Variants in TLN2 observed in about 807,000 individuals in gnomAD.
TLN2 encodes the protein talin 2.
Under a neutral mutation model 294.7 loss-of-function variants are expected in TLN2, and 118 were observed. That is an observed-to-expected ratio of 0.40 (90% confidence interval 0.34 to 0.47). The LOEUF is 0.47. Ranked by LOEUF, TLN2 falls within the 20% of genes least tolerant of loss-of-function variation. The pLI is 0.84. For missense variants in TLN2, 3,083 were observed against 3,282.2 expected, an observed-to-expected ratio of 0.94 and a Z score of 1.48; for synonymous variants, 1,431 against 1,304.5, an observed-to-expected ratio of 1.10 and a Z score of -2.09.
rs1449616117 is a variant in TLN2 at position 62,468,711 on chromosome 15, C to G, written c.-238+78026C>G. Among the ~76,000 whole-genome samples the G allele has an allele frequency of 2.0e-5, 3 of 149,734 alleles. No individual in the cohort carries two copies. In the East Asian group the frequency reaches 5.9e-4, roughly 30 times the overall value. On this transcript the variant is annotated intron_variant, in intron 1 of 58. Transcript: ENST00000636159. ...AGTGAGCTGAGATTGCACCACTGCA[C>G]TCCAGCCTGGGCGACAGAGCTAGAC...
chr15:62,844,475 G>A lies in TLN2; in HGVS notation c.*3865G>A, dbSNP rs973690325. The A allele has an allele frequency of 6.6e-6, 1 of 152,100 alleles. No individual in the cohort carries two copies. The highest frequency in any genetic ancestry group is 6.5e-5 in the Admixed American group (1 of 15,272). The allele number at this position is 152,100 out of a possible 1,614,324, so 9.4% of individuals were successfully genotyped here. ...CTTCATCCCACAAAACACGAGGCTG[G>A]GTCTCATTCAGCGGCCTCTCACCAA... On this transcript the variant is annotated 3_prime_UTR_variant, in exon 59 of 59. Coordinates refer to ENST00000636159, the MANE Select transcript of TLN2 (RefSeq NM_015059.3).
chr15:62,420,536 A>G (rs911213279), intron 1 of TLN2, among the ~76,000 whole-genome samples: 3 of 152,112 alleles, frequency 2.0e-5, no homozygotes, highest in Non-Finnish European at 2.9e-5. Context: ...AGCTGGGACT[A>G]CAGGCGTGCC....
At chr15:62,784,074 A>G (rs1011757639) in intron 45 of TLN2, 184 bp downstream of exon 45, 149 of 1,042,494 alleles carry the variant, frequency 1.4e-4, no homozygotes, top group Non-Finnish European at 1.8e-4. Context: ...CTCAAGTCTC[A>G]CTGCCCCTTA....
intron 31 of TLN2, 148 bp downstream of exon 31, chr15:62,739,693 T>C (rs1403415791): frequency 1.1e-6 from 1 of 903,498 alleles, no homozygotes; most frequent in East Asian, 2.7e-5. Flanking sequence ...AGGAAGCTCA[T>C]GCCCTCATGG....
intron 1 of TLN2, among the ~76,000 whole-genome samples, chr15:62,445,427 G>A (rs900804258): frequency 6.6e-6 from 1 of 152,044 alleles, no homozygotes; most frequent in Non-Finnish European, 1.5e-5. Context: ...GTCATCATTG[G>A]AACTCTTTAG....
intron 1 of TLN2, among the ~76,000 whole-genome samples, chr15:62,558,800 C>T (rs868023581): frequency 3.3e-5 from 5 of 152,020 alleles, no homozygotes; most frequent in East Asian, 3.9e-4. Context: ...AGTTTGTTCA[C>T]GTAGTTCCCT....
chr15:62,677,222 G>A (rs994222093), intron 11 of TLN2, among the ~76,000 whole-genome samples: 16 of 152,128 alleles, frequency 1.1e-4, no homozygotes, highest in African/African-American at 3.9e-4. Flanking sequence ...TGCCTTGCAG[G>A]GACAAAGATT....
intron 40 of TLN2, among the ~76,000 whole-genome samples, chr15:62,764,050 A>G (rs2062840633): frequency 6.6e-6 from 1 of 152,178 alleles, no homozygotes; most frequent in Admixed American, 6.5e-5. Flanking sequence ...ATTTTGAATA[A>G]TTCTCTGTTG....
chr15:62,822,996 A>G (rs931400060), intron 54 of TLN2, among the ~76,000 whole-genome samples: 1 of 152,206 alleles, frequency 6.6e-6, no homozygotes, highest in African/African-American at 2.4e-5. Flanking sequence ...AGGACTCCCT[A>G]CAGTACTCTA....
intron 41 of TLN2, among the ~76,000 whole-genome samples, chr15:62,767,346 TTG>T (rs1159146735): frequency 8.8e-5 from 11 of 125,366 alleles, no homozygotes; most frequent in Non-Finnish European, 1.9e-4. Context: ...TTTCTTTTCT[TTG>T]TTTTTTTTTT....
intron 39 of TLN2, 27 bp from the exon 40 acceptor site, chr15:62,763,536 G>T (rs1266068406): frequency 1.3e-6 from 2 of 1,584,580 alleles, no homozygotes; most frequent in Non-Finnish European, 1.7e-6. Flanking sequence ...CATGGAGCCT[G>T]TGTCCAACTT....
chr15:62,708,519 T>A lies in TLN2; in HGVS notation c.2190T>A (p.Ile730=). Residue 730 remains isoleucine, a synonymous_variant, in exon 21 of 59, where the codon ATT becomes ATA. Transcript: ENST00000636159. ...VACAKVVSPT[I]SSPVCQEQLI... ...CACTTCAGGTTGTGAGCCCCACTAT[T>A]AGCTCCCCTGTGTGCCAGGAGCAGC... The A allele has an allele frequency of 1.2e-6, 2 of 1,613,628 alleles. No individual in the cohort carries two copies. Among genetic ancestry groups the A allele is most frequent in the Non-Finnish European group, 1.7e-6 (2 of 1,179,638 alleles).
At chr15:62,563,844 G>T (rs1012542691) in intron 1 of TLN2, among the ~76,000 whole-genome samples, 3 of 152,078 alleles carry the variant, frequency 2.0e-5, no homozygotes, top group African/African-American at 7.2e-5. Flanking sequence ...GAACTCTATG[G>T]GTGAAAGCCC....
chr15:62,656,068 G>GC lies in TLN2; in HGVS notation c.642_643insC (p.Asn215GlnfsTer10). 1.2e-6 allele frequency: 2 copies of GC among 1,614,204 alleles called. No homozygotes were observed. The highest frequency in any genetic ancestry group is 1.7e-6 in the Non-Finnish European group (2 of 1,180,040). On this transcript the variant is annotated frameshift_variant, in exon 8 of 59. Transcript: ENST00000636159. LOFTEE classifies it high-confidence loss of function. The stretch of plus-strand genomic sequence containing the variant: ...TAGATTCGAGAGACCCCGTGCAGCT[G>GC]AACTTGCTTTATGTTCAGGTACAGT...
chr15:62,714,136 A>G (rs1448231715), intron 22 of TLN2, among the ~76,000 whole-genome samples: 1 of 151,558 alleles, frequency 6.6e-6, no homozygotes, highest in Admixed American at 6.6e-5. Flanking sequence ...TAAAACTCAT[A>G]AAAGATGAAT....
chr15:62,502,556 A>C (rs2039365373), intron 1 of TLN2, among the ~76,000 whole-genome samples: 1 of 152,156 alleles, frequency 6.6e-6, no homozygotes, highest in South Asian at 2.1e-4. Flanking sequence ...CGAGGGGTCT[A>C]AGTGGTGAGT....
intron 2 of TLN2, among the ~76,000 whole-genome samples, chr15:62,590,167 TTTTTA>T (rs1479498045): frequency 2.6e-5 from 4 of 152,176 alleles, no homozygotes; most frequent in South Asian, 4.2e-4. Flanking sequence ...TTTTTTTTAA[TTTTTA>T]TTTTAAGTTC....
chr15:62,693,969 T>G (rs1046205499), intron 13 of TLN2, among the ~76,000 whole-genome samples: 12 of 5,764 alleles, frequency 2.1e-3, no homozygotes, highest in African/African-American at 2.4e-3. Context: ...TTTTTTTTTT[T>G]TTTTTTTTTT....
intron 2 of TLN2, among the ~76,000 whole-genome samples, chr15:62,593,816 A>G (rs2046271294): frequency 1.3e-5 from 2 of 152,240 alleles, no homozygotes; most frequent in South Asian, 4.1e-4. Flanking sequence ...CTTTACCAAG[A>G]TTAAAATAAA....
Sources: gnomAD v4.1 joint callset for allele counts (sites outside exome capture counted in the v4.1 genomes callset) on GRCh38, gnomAD v4.1.1 for gene constraint, MANE v1.5 for transcripts, NCBI Gene and HGNC (gene_info 2026-07-23, HGNC 2026-07-21) for gene names.